Variants in SVIL observed in about 807,000 individuals in gnomAD.
The protein encoded by SVIL is archvillin.
A neutral mutation model predicts 240.4 loss-of-function variants in SVIL; 101 were observed. The observed-to-expected ratio is 0.42, with a 90% CI of 0.36 to 0.50. SVIL has a LOEUF of 0.50. Among genes scored for constraint, SVIL ranks in the 20% least tolerant of loss-of-function variants. The pLI, the probability that SVIL is intolerant of heterozygous loss-of-function variation, is 0.01. For synonymous variants in SVIL, 999 were observed against 1,100.0 expected, an observed-to-expected ratio of 0.91 and a Z score of 1.82; for missense variants, 2,512 against 2,818.7, an observed-to-expected ratio of 0.89 and a Z score of 2.46.
In SVIL at chr10:29,555,342, ACATG is replaced by A. The variant is rs202130401; in HGVS notation, c.-50-238_-50-235del. ...CACACACACACACACACACACACAC[ACATG>A]GACACACCCTAGGACGCATCATCCT... On this transcript the variant is annotated intron_variant, in intron 3 of 37. Coordinates refer to ENST00000355867, the MANE Select transcript of SVIL (RefSeq NM_021738.3). Among the ~76,000 whole-genome samples, 5,700 of 95,236 alleles carry A rather than the reference ACATG, an allele frequency of 0.06. 283 individuals are homozygous for A. The highest frequency in any genetic ancestry group is 0.28 in the East Asian group (1,125 of 4,006). 62.5% of individuals were successfully genotyped at this position (95,236 alleles called of 152,430 possible).
chr10:29,551,237 A>G lies in SVIL; in HGVS notation c.187T>C (p.Ser63Pro). 2 of 1,603,836 alleles carry G rather than the reference A, an allele frequency of 1.2e-6. No individual in the cohort carries two copies. The highest frequency in any genetic ancestry group is 1.7e-6 in the Non-Finnish European group (2 of 1,175,236). Residue 63 changes from serine (S) to proline (P), a missense_variant, in exon 6 of 38, where the codon TCT becomes CCT. By Grantham distance (74) the Ser-to-Pro change is moderately conservative (BLOSUM62 -1). Around this residue, in one of 3 missense-constraint regions of SVIL, gnomAD observed 1,443 missense variants for 1,486.6 expected, o/e 0.97. Transcript: ENST00000355867. Reference protein sequence around the residue: ...IGRSNEEEETSDSSLEKQTRS... With the variant: ...IGRSNEEEETPDSSLEKQTRS... Reference sequence around the variant, plus strand: ...GTTTGCTTTTCTAGAGAAGAATCAGAAGTTTCCTCCTCTTCATTTGATCGG... The same window carrying G: ...GTTTGCTTTTCTAGAGAAGAATCAGGAGTTTCCTCCTCTTCATTTGATCGG...
intron 1 of SVIL, among the ~76,000 whole-genome samples, chr10:29,574,486 G>A (rs1804535778): frequency 6.6e-6 from 1 of 152,174 alleles, no homozygotes; most frequent in Non-Finnish European, 1.5e-5. Flanking sequence ...ACCCCACAGT[G>A]ATATCACTGG....
At chr10:29,703,975 AT>A (rs1564779184) in intron 1 of SVIL, among the ~76,000 whole-genome samples, 1 of 151,870 alleles carries the variant, frequency 6.6e-6, no homozygotes, top group East Asian at 1.9e-4. Flanking sequence ...TAATTTTTTA[AT>A]TTTTTGTAGA....
intron 1 of SVIL, among the ~76,000 whole-genome samples, chr10:29,720,545 G>A (rs535136474): frequency 1.8e-4 from 28 of 152,146 alleles, no homozygotes; most frequent in Non-Finnish European, 3.7e-4. Flanking sequence ...ATTATTTTAA[G>A]TAGAAAAAAT....
At chr10:29,576,011 A>T in intron 1 of SVIL, 1 of 650,120 alleles carries the variant, frequency 1.5e-6, no homozygotes, top group South Asian at 6.8e-5. Context: ...GTACCCTTGC[A>T]ATTGGGGTAT....
chr10:29,619,825 A>G (rs1957562548), intron 1 of SVIL, among the ~76,000 whole-genome samples: 2 of 152,228 alleles, frequency 1.3e-5, no homozygotes, highest in African/African-American at 4.8e-5. Flanking sequence ...CTACATTTTA[A>G]AAAATATTAT....
chr10:29,462,441 AG>A (rs1564446690), intron 35 of SVIL, 40 bp from the exon 36 acceptor site: 2 of 1,592,508 alleles, frequency 1.3e-6, no homozygotes, highest in East Asian at 4.5e-5. Context: ...GACCCCAGGG[AG>A]ACCCTGTCTT....
At chr10:29,508,566 A>G (rs1949548734) in intron 17 of SVIL, 1 of 394,840 alleles carries the variant, frequency 2.5e-6, no homozygotes, top group Admixed American at 3.0e-5. Context: ...CAGAATGATC[A>G]TCTGGAGTTT....
intron 1 of SVIL, among the ~76,000 whole-genome samples, chr10:29,610,680 C>T (rs1025796822): frequency 3.3e-5 from 5 of 152,266 alleles, no homozygotes; most frequent in South Asian, 2.1e-4. Context: ...CTCAACCTCC[C>T]AAAGTGTTGG....
chr10:29,493,996 C>G (rs1948204389), intron 20 of SVIL, among the ~76,000 whole-genome samples: 1 of 152,108 alleles, frequency 6.6e-6, no homozygotes. Context: ...TAGTGGGTCC[C>G]CATCTCTACA....
intron 2 of SVIL, chr10:29,671,016 G>C (rs925612066): frequency 6.6e-6 from 1 of 152,132 alleles, no homozygotes; most frequent in African/African-American, 2.4e-5. Context: ...AGTCTGATGA[G>C]GGACCAGATC....
chr10:29,643,800 G>A (rs536158456), intron 3 of SVIL, among the ~76,000 whole-genome samples: 109 of 152,186 alleles, frequency 7.2e-4, no homozygotes, highest in African/African-American at 2.6e-3. Context: ...AACCACTGAT[G>A]AGCCAGCCAA....
intron 2 of SVIL, among the ~76,000 whole-genome samples, chr10:29,664,691 T>TATACAC (rs1554889587): frequency 6.0e-5 from 9 of 150,396 alleles, no homozygotes; most frequent in African/African-American, 2.0e-4. Context: ...TATATATATA[T>TATACAC]ACACACACAC....
At chr10:29,572,701 C>T (rs1955483721) in intron 1 of SVIL, among the ~76,000 whole-genome samples, 2 of 140,520 alleles carry the variant, frequency 1.4e-5, no homozygotes, top group African/African-American at 5.4e-5. Context: ...GAGGTCGAGG[C>T]TGCAGTGAGC....
At chr10:29,459,006 T>C (rs1227142967) in intron 36 of SVIL, among the ~76,000 whole-genome samples, 1 of 151,344 alleles carries the variant, frequency 6.6e-6, no homozygotes, top group Non-Finnish European at 1.5e-5. Context: ...TTTTTTTTTT[T>C]TTGTAGAGAC....
intron 1 of SVIL, among the ~76,000 whole-genome samples, chr10:29,722,222 T>TAAA (rs367974093): frequency 1.7e-5 from 2 of 117,738 alleles, no homozygotes; most frequent in Non-Finnish European, 3.6e-5. Context: ...GACTCTGTCT[T>TAAA]AAAAAAAAAA....
At chr10:29,517,629 G>T (rs1950301452) in intron 16 of SVIL, among the ~76,000 whole-genome samples, 1 of 152,156 alleles carries the variant, frequency 6.6e-6, no homozygotes, top group Non-Finnish European at 1.5e-5. Context: ...TTGGGGCGGG[G>T]GCCGGCAGGC....
At chr10:29,696,805 C>T (rs1268049378) in intron 1 of SVIL, among the ~76,000 whole-genome samples, 5 of 151,342 alleles carry the variant, frequency 3.3e-5, no homozygotes, top group African/African-American at 7.2e-5. Context: ...GCAGCCACCC[C>T]GTCCGGGAGG....
At chr10:29,539,103 T>C (rs1484685511) in intron 6 of SVIL, among the ~76,000 whole-genome samples, 1 of 152,064 alleles carries the variant, frequency 6.6e-6, no homozygotes, top group Admixed American at 6.6e-5. Flanking sequence ...AGTTTGAGGC[T>C]GCAGTGAGCT....
Sources: allele counts gnomAD v4.1 joint callset (sites outside exome capture counted in the v4.1 genomes callset), GRCh38; gene constraint gnomAD v4.1.1; regional missense constraint gnomAD v4.1.1; transcripts MANE v1.5; gene names NCBI Gene and HGNC (gene_info 2026-07-23, HGNC 2026-07-21).